MS4A14: variants seen among roughly 807,000 people sequenced by gnomAD.
MS4A14 encodes the protein membrane-spanning 4-domains subfamily A member 14.
In MS4A14, 18 loss-of-function variants were observed where a neutral mutation model predicts 16.7. The observed-to-expected ratio is 1.08, with a 90% confidence interval of 0.75 to 1.60. The LOEUF (loss-of-function observed/expected upper bound fraction) is 1.60. Among genes scored for constraint, MS4A14 ranks in the 40% most tolerant of loss-of-function variants. The pLI, the probability that MS4A14 is intolerant of heterozygous loss-of-function variation, is 0.00. For missense variants in MS4A14, 812 were observed against 775.3 expected (o/e 1.05, Z -0.56); for synonymous variants, 305 against 289.4 (o/e 1.05, Z -0.55).
intron 2 of MS4A14, 157 bp downstream of exon 2, chr11:60,398,137 T>TTTG: frequency 1.6e-6 from 1 of 620,782 alleles, no homozygotes; most frequent in Admixed American, 3.1e-5. Flanking sequence ...ATTTGGTCAC[T>TTTG]GCACTACCAT....
chr11:60,412,713 A>G (rs76070986), intron 4 of MS4A14, among the ~76,000 whole-genome samples: 8,594 of 151,934 alleles, frequency 0.057, 325 homozygotes, highest in South Asian at 0.19. Flanking sequence ...TTGTTTTTCA[A>G]TTCTCTATGG....
intron 1 of MS4A14, among the ~76,000 whole-genome samples, chr11:60,397,586 T>C (rs2085645514): frequency 6.6e-6 from 1 of 152,106 alleles, no homozygotes; most frequent in South Asian, 2.1e-4. Flanking sequence ...CTGTCTGATA[T>C]AAGATTAATT....
At chr11:60,398,441 G>T (rs1398053755) in intron 2 of MS4A14, among the ~76,000 whole-genome samples, 1 of 152,070 alleles carries the variant, frequency 6.6e-6, no homozygotes, top group Non-Finnish European at 1.5e-5. Flanking sequence ...CACTCATCTA[G>T]ATAATCATAT....
chr11:60,412,541 A>G (rs1266822353), intron 4 of MS4A14, among the ~76,000 whole-genome samples: 1 of 151,932 alleles, frequency 6.6e-6, no homozygotes, highest in Non-Finnish European at 1.5e-5. Flanking sequence ...TTCTTTTACA[A>G]TACTTTATAC....
At chr11:60,412,789 T>C (rs1249120609) in intron 4 of MS4A14, among the ~76,000 whole-genome samples, 1 of 152,000 alleles carries the variant, frequency 6.6e-6, no homozygotes, top group Non-Finnish European at 1.5e-5. Flanking sequence ...GTATAAATCT[T>C]CCAACTTTGT....
intron 4 of MS4A14, chr11:60,404,592 C>T (rs1483749676): frequency 2.2e-6 from 1 of 457,074 alleles, no homozygotes; most frequent in South Asian, 1.5e-5. Flanking sequence ...TTCCTATAAT[C>T]CCTTAATGTG....
In MS4A14 at chr11:60,415,551, A is replaced by G. The variant is rs142563385; in HGVS notation, c.583A>G (p.Thr195Ala). 569 of 1,613,812 alleles carry G rather than the reference A, an allele frequency of 3.5e-4. No individual in the cohort carries two copies. The highest frequency in any genetic ancestry group is 4.4e-4 in the Non-Finnish European group (515 of 1,179,806). ...QEEFSSDDST[T>A]NAQSVIFGGY... ...AGAGTTTTCCAGTGATGATTCAACA[A>G]CAAATGCACAATCTGTTATCTTTGG... is the stretch of plus-strand genomic sequence containing the variant. The change falls in exon 5 of 5, where the codon ACA becomes GCA. Residue 195 changes from threonine (T) to alanine (A), a missense_variant. Coordinates refer to ENST00000300187, the MANE Select transcript of MS4A14 (RefSeq NM_032597.5).
At chr11:60,412,720 A>G (rs1206375266) in intron 4 of MS4A14, among the ~76,000 whole-genome samples, 1 of 151,918 alleles carries the variant, frequency 6.6e-6, no homozygotes, top group Non-Finnish European at 1.5e-5. Context: ...TCAATTCTCT[A>G]TGGAGATTTC....
chr11:60,410,091 T>C (rs1468810478), intron 4 of MS4A14, among the ~76,000 whole-genome samples: 3 of 152,188 alleles, frequency 2.0e-5, no homozygotes, highest in Admixed American at 6.5e-5. Context: ...ACTCCTGCCT[T>C]TAAGCCATCC....
At chr11:60,404,162 G>C (rs185649248) in intron 4 of MS4A14, among the ~76,000 whole-genome samples, 1 of 152,232 alleles carries the variant, frequency 6.6e-6, no homozygotes, top group African/African-American at 2.4e-5. Context: ...GTATATACCC[G>C]AAAGGGTTAA....
chr11:60,399,177 A>G (rs913441894), intron 2 of MS4A14, among the ~76,000 whole-genome samples: 8 of 152,224 alleles, frequency 5.3e-5, no homozygotes, highest in Admixed American at 5.2e-4. Context: ...TGAAAAAGTC[A>G]AAAGTAACCC....
chr11:60,402,586 T>C (rs574406060), intron 3 of MS4A14, among the ~76,000 whole-genome samples: 6 of 152,244 alleles, frequency 3.9e-5, no homozygotes, highest in African/African-American at 9.6e-5. Context: ...TGAGGTTTCA[T>C]TTCCAAGCAA....
At position 60,416,340 on chromosome 11, in the gene MS4A14, C is replaced by G. The variant is rs889239979; in HGVS notation, c.1372C>G (p.Gln458Glu). ...QNQQILQMSY[Q>E]DIRSEVMEET... ...CCAGCAAATTTTACAAATGTCATAT[C>G]AAGATATTAGATCAGAAGTTATGGA... The change falls in exon 5 of 5, where the codon CAA (glutamine) becomes GAA (glutamate). Residue 458 changes from glutamine (Q) to glutamate (E), a missense_variant. By Grantham distance (29) the Gln-to-Glu change is conservative (BLOSUM62 2). Transcript: ENST00000300187. 6.2e-7 allele frequency: 1 copy of G among 1,613,802 alleles called. No homozygotes were observed. The highest frequency in any genetic ancestry group is 8.5e-7 in the Non-Finnish European group (1 of 1,179,950).
intron 4 of MS4A14, among the ~76,000 whole-genome samples, chr11:60,404,317 A>G (rs190574983): frequency 1.5e-4 from 23 of 152,346 alleles, no homozygotes; most frequent in African/African-American, 7.2e-5. Context: ...CCCAAACATC[A>G]TAAGCTAAAA....
chr11:60,398,016 C>T, intron 2 of MS4A14, 36 bp downstream of exon 2: 1 of 1,604,920 alleles, frequency 6.2e-7, no homozygotes, highest in Non-Finnish European at 8.5e-7. Context: ...GGAGAAATTG[C>T]TATAAAGATA....
chr11:60,396,641 T>C lies in MS4A14; in HGVS notation c.63T>C (p.Thr21=). 5.0e-6 allele frequency: 8 copies of C among 1,613,942 alleles called. No homozygotes were observed. Among genetic ancestry groups the C allele is most frequent in the Middle Eastern group, 3.3e-4 (2 of 6,062 alleles). The stretch of plus-strand genomic sequence containing the variant: ...TCATCACTATAAAACCAAACGAAAC[T>C]GTATTGACTGCATTTCCCTACAGAC... ...THVITIKPNE[T]VLTAFPYRPH... is the part of the protein sequence containing the mutation. The change falls in exon 1 of 5, where the codon ACT becomes ACC. Residue 21 remains threonine, a synonymous_variant. Transcript: ENST00000300187.
At chr11:60,410,618 T>A (rs1447725801) in intron 4 of MS4A14, among the ~76,000 whole-genome samples, 1 of 152,180 alleles carries the variant, frequency 6.6e-6, no homozygotes, top group South Asian at 2.1e-4. Context: ...TGTTTGTATA[T>A]GGTATAAGGT....
In MS4A14 at chr11:60,396,645, T is replaced by G. The variant is rs1346393100; in HGVS notation, c.67T>G (p.Leu23Val). The stretch of plus-strand genomic sequence containing the variant: ...CACTATAAAACCAAACGAAACTGTA[T>G]TGACTGCATTTCCCTACAGACCTCA... ...VITIKPNETV[L>V]TAFPYRPHSS... The change falls in exon 1 of 5, where the codon TTG becomes GTG. Residue 23 changes from leucine to valine, a missense_variant. Leu to Val is a conservative substitution (Grantham distance 32). Coordinates refer to ENST00000300187, the MANE Select transcript of MS4A14 (RefSeq NM_032597.5). 6.2e-7 allele frequency: 1 copy of G among 1,613,812 alleles called. No homozygotes were observed. Among genetic ancestry groups the G allele is most frequent in the Non-Finnish European group, 8.5e-7 (1 of 1,179,972 alleles).
chr11:60,398,565 T>C (rs1028141586), intron 2 of MS4A14, among the ~76,000 whole-genome samples: 3 of 152,226 alleles, frequency 2.0e-5, no homozygotes, highest in South Asian at 2.1e-4. Flanking sequence ...TCTCCTACTA[T>C]AACATACACT....
Sources: allele counts gnomAD v4.1 joint callset (sites outside exome capture counted in the v4.1 genomes callset), GRCh38; gene constraint gnomAD v4.1.1; transcripts MANE v1.5; gene names NCBI Gene and HGNC (gene_info 2026-07-23, HGNC 2026-07-21).